The following GRM7 variants were observed in gnomAD, a reference collection of about 807,000 sequenced individuals.
GRM7 encodes glutamate metabotropic receptor 7, also known as metabotropic glutamate receptor 7.
In GRM7, 35 loss-of-function variants were observed where a neutral mutation model predicts 84.5. The observed-to-expected ratio is 0.41, with a 90% CI of 0.32 to 0.55. GRM7 has a LOEUF of 0.55. Among genes scored for constraint, GRM7 ranks in the 20% least tolerant of loss-of-function variants. The probability of loss-of-function intolerance (pLI) is 0.19; values close to 1 mark genes in which losing one functional copy is unlikely to be tolerated. For synonymous variants in GRM7, 487 were observed against 455.1 expected (o/e 1.07, Z -0.89); for missense variants, 1,003 against 1,194.6 (o/e 0.84, Z 2.36).
intron 1 of GRM7, among the ~76,000 whole-genome samples, chr3:7,042,127 C>T (rs1353832): frequency 0.76 from 115,727 of 151,976 alleles, 44,314 homozygotes; most frequent in African/African-American, 0.8. Flanking sequence ...CAAATGAACC[C>T]GTTTCCCTGA....
chr3:7,600,134 C>T (rs905143891), intron 8 of GRM7, among the ~76,000 whole-genome samples: 1 of 152,000 alleles, frequency 6.6e-6, no homozygotes, highest in African/African-American at 2.4e-5. Flanking sequence ...AAAAGGCACA[C>T]AGAGGCACCA....
intron 1 of GRM7, among the ~76,000 whole-genome samples, chr3:6,893,453 T>C (rs1222848794): frequency 6.6e-6 from 1 of 152,230 alleles, no homozygotes; most frequent in African/African-American, 2.4e-5. Context: ...ATTCGGCCTC[T>C]AACTCATCGT....
chr3:7,229,808 C>T (rs1298287974), intron 2 of GRM7, among the ~76,000 whole-genome samples: 3 of 91,034 alleles, frequency 3.3e-5, no homozygotes, highest in South Asian at 4.2e-4. Context: ...CATATGTTTT[C>T]TGACTTTATG....
chr3:7,364,503 T>C (rs543585911), intron 4 of GRM7, among the ~76,000 whole-genome samples: 3 of 151,944 alleles, frequency 2.0e-5, no homozygotes, highest in East Asian at 3.9e-4. Flanking sequence ...TTTGTATTTA[T>C]TTATATAATT....
intron 1 of GRM7, among the ~76,000 whole-genome samples, chr3:7,106,274 CTT>C (rs5846487): frequency 0.028 from 4,179 of 149,220 alleles, 194 homozygotes; most frequent in African/African-American, 0.097. Flanking sequence ...ATTCATTTTT[CTT>C]TTTTTTTTAT....
chr3:7,344,090 GT>G (rs546442588), intron 4 of GRM7, among the ~76,000 whole-genome samples: 1,557 of 146,702 alleles, frequency 0.011, 27 homozygotes, highest in African/African-American at 0.036. Flanking sequence ...ATCAAATCAT[GT>G]TTTTTTTTTT....
At chr3:7,424,341 A>G (rs1198140330) in intron 5 of GRM7, among the ~76,000 whole-genome samples, 1 of 152,050 alleles carries the variant, frequency 6.6e-6, no homozygotes, top group Non-Finnish European at 1.5e-5. Flanking sequence ...GGGCTCCTCC[A>G]TGACTTAAGT....
intron 1 of GRM7, among the ~76,000 whole-genome samples, chr3:7,060,843 G>A (rs1189575165): frequency 1.3e-5 from 2 of 151,702 alleles, no homozygotes; most frequent in Non-Finnish European, 2.9e-5. Flanking sequence ...TGTCTTTGAA[G>A]CATATGTTGA....
chr3:6,864,740 G>A (rs1694883961), intron 1 of GRM7, among the ~76,000 whole-genome samples: 1 of 152,110 alleles, frequency 6.6e-6, no homozygotes, highest in Non-Finnish European at 1.5e-5. Flanking sequence ...CGACTTAAAT[G>A]GGGGGTGCTG....
chr3:7,229,743 ATATATATATATATATATTTT>A lies in GRM7; in HGVS notation c.737-68939_737-68920del, dbSNP rs1559514586. ...GACACACACATATATATATATATAT[ATATATATATATATATATTTT>A]TTTTTTTTTTTGGTTGACAGGTGTT... On this transcript the variant is annotated intron_variant, in intron 2 of 9. Coordinates refer to ENST00000357716, the MANE Select transcript of GRM7 (RefSeq NM_000844.4). Among the ~76,000 whole-genome samples the A allele has an allele frequency of 1.3e-3, 56 of 44,666 alleles. 9 individuals carry two copies. The highest frequency in any genetic ancestry group is 4.0e-3 in the South Asian group (4 of 996). The allele number at this position is 44,666 out of a possible 152,430, so 29.3% of individuals were successfully genotyped here.
intron 9 of GRM7, among the ~76,000 whole-genome samples, chr3:7,728,067 AG>A (rs1403439348): frequency 6.6e-6 from 1 of 152,320 alleles, no homozygotes; most frequent in Admixed American, 6.5e-5. Context: ...TGAGATCCGC[AG>A]TCAAAACAAG....
At chr3:7,714,436 A>T (rs1054055648) in intron 9 of GRM7, among the ~76,000 whole-genome samples, 1 of 152,174 alleles carries the variant, frequency 6.6e-6, no homozygotes, top group Non-Finnish European at 1.5e-5. Flanking sequence ...AAAGACGTGA[A>T]TTTCTAGAAA....
At chr3:7,516,809 C>A (rs371522089) in intron 7 of GRM7, among the ~76,000 whole-genome samples, 1 of 152,170 alleles carries the variant, frequency 6.6e-6, no homozygotes, top group Admixed American at 6.6e-5. Context: ...GATGACCAAG[C>A]ATTTTAGCAT....
intron 4 of GRM7, among the ~76,000 whole-genome samples, chr3:7,366,994 T>A (rs7609936): frequency 1 from 151,875 of 151,876 alleles, 75,937 homozygotes; most frequent in Non-Finnish European, 1. Flanking sequence ...CTCTGACTAT[T>A]AATTACCCTA....
chr3:7,670,868 G>A (rs1217253398), intron 8 of GRM7, among the ~76,000 whole-genome samples: 3 of 152,158 alleles, frequency 2.0e-5, no homozygotes, highest in African/African-American at 4.8e-5. Flanking sequence ...TAGTAGTTCC[G>A]TTTTGATGAA....
At chr3:7,643,323 AAAAC>A (rs1483831588) in intron 8 of GRM7, among the ~76,000 whole-genome samples, 1 of 41,300 alleles carries the variant, frequency 2.4e-5, no homozygotes, top group African/African-American at 1.2e-4. Context: ...AGCCCAATGA[AAAAC>A]AAACAAAAAA....
intron 8 of GRM7, among the ~76,000 whole-genome samples, chr3:7,624,195 G>A (rs1697498640): frequency 6.6e-6 from 1 of 152,120 alleles, no homozygotes; most frequent in African/African-American, 2.4e-5. Flanking sequence ...GATGTAGAAG[G>A]TAAGCTGATG....
At chr3:7,447,619 A>T (rs974488098) in intron 5 of GRM7, among the ~76,000 whole-genome samples, 6 of 152,062 alleles carry the variant, frequency 3.9e-5, no homozygotes, top group Non-Finnish European at 5.9e-5. Context: ...AAATGACTGG[A>T]GTAGTTGCGG....
intron 4 of GRM7, among the ~76,000 whole-genome samples, chr3:7,347,403 C>T (rs1225550059): frequency 6.6e-6 from 1 of 152,310 alleles, no homozygotes; most frequent in South Asian, 2.1e-4. Flanking sequence ...TGCTTTAGTT[C>T]ACCTGTGATA....
Sources: gnomAD v4.1 joint callset for allele counts (sites outside exome capture counted in the v4.1 genomes callset) on GRCh38, gnomAD v4.1.1 for gene constraint, MANE v1.5 for transcripts, NCBI Gene and HGNC (gene_info 2026-07-23, HGNC 2026-07-21) for gene names.